Variants in KIAA0232 observed in about 807,000 individuals in gnomAD.
KIAA0232 encodes uncharacterized protein KIAA0232.
In KIAA0232, 27 loss-of-function variants were observed where a neutral mutation model predicts 122.0. The observed-to-expected ratio is 0.22, with a 90% CI of 0.16 to 0.31. KIAA0232 has a LOEUF of 0.31. KIAA0232 is among the 10% of genes least tolerant of loss of function. The pLI, the probability that KIAA0232 is intolerant of heterozygous loss-of-function variation, is 1.00. For synonymous variants in KIAA0232, 613 were observed against 587.6 expected (o/e 1.04, Z -0.63); for missense variants, 1,551 against 1,634.2 (o/e 0.95, Z 0.88).
chr4:6,789,277 T>G (rs1263733195), intron 1 of KIAA0232, among the ~76,000 whole-genome samples: 1 of 140,654 alleles, frequency 7.1e-6, no homozygotes, highest in African/African-American at 2.6e-5. Context: ...GGCCTTTTCT[T>G]TTTTTTTTTT....
intron 2 of KIAA0232, among the ~76,000 whole-genome samples, chr4:6,818,907 C>T (rs765560285): frequency 2.4e-4 from 36 of 152,126 alleles, no homozygotes; most frequent in Non-Finnish European, 4.7e-4. Context: ...GAATAGAGAA[C>T]CCAGAAATAA....
intron 2 of KIAA0232, among the ~76,000 whole-genome samples, chr4:6,808,750 C>T (rs1280822449): frequency 6.6e-6 from 1 of 152,042 alleles, no homozygotes; most frequent in African/African-American, 2.4e-5. Context: ...CTCCCACCTG[C>T]TAGTATTATG....
At chr4:6,852,025 G>C (rs1031592466) in intron 4 of KIAA0232, among the ~76,000 whole-genome samples, 5 of 151,746 alleles carry the variant, frequency 3.3e-5, no homozygotes, top group African/African-American at 1.2e-4. Context: ...TCTATTTTTT[G>C]TTGAAAACTT....
intron 3 of KIAA0232, among the ~76,000 whole-genome samples, chr4:6,836,761 T>G (rs1030891317): frequency 1.3e-5 from 2 of 152,090 alleles, no homozygotes; most frequent in African/African-American, 4.8e-5. Context: ...TTAAGGAGCA[T>G]GCTGCCTTCA....
chr4:6,794,566 G>A (rs534590922), intron 1 of KIAA0232, among the ~76,000 whole-genome samples: 1 of 152,350 alleles, frequency 6.6e-6, no homozygotes, highest in East Asian at 1.9e-4. Context: ...AAGATGGGGT[G>A]TTGCATCGTA....
In KIAA0232 at chr4:6,854,488, G is replaced by C. The variant is rs187979603; in HGVS notation, c.370-2676G>C. On this transcript the variant is annotated intron_variant, in intron 4 of 9. Coordinates refer to ENST00000307659, the MANE Select transcript of KIAA0232 (RefSeq NM_014743.3). ...GTCGTCATAACCATTTGTTCACTGG[G>C]TGCGTGAATGAGCCAGTGCATGGTA... Among the ~76,000 whole-genome samples the C allele has an allele frequency of 1.1e-4, 16 of 152,296 alleles. No homozygotes were observed. The East Asian group carries it at 2.9e-3, about 28-fold the overall frequency.
At chr4:6,856,659 T>C (rs1309124037) in intron 4 of KIAA0232, among the ~76,000 whole-genome samples, 1 of 147,328 alleles carries the variant, frequency 6.8e-6, no homozygotes, top group East Asian at 2.0e-4. Context: ...GTTTTAATCA[T>C]GAGTGTTCAT....
chr4:6,783,523 C>A (rs933487191), intron 1 of KIAA0232, among the ~76,000 whole-genome samples: 1 of 152,154 alleles, frequency 6.6e-6, no homozygotes, highest in African/African-American at 2.4e-5. Flanking sequence ...GGGGTCAGGC[C>A]GGCAGCCTGG....
chr4:6,787,369 G>A (rs530315202), intron 1 of KIAA0232, among the ~76,000 whole-genome samples: 2 of 152,226 alleles, frequency 1.3e-5, no homozygotes, highest in Non-Finnish European at 2.9e-5. Flanking sequence ...CTTCTTGGCC[G>A]TGAACAAGTT....
intron 2 of KIAA0232, among the ~76,000 whole-genome samples, chr4:6,810,467 A>T (rs1437883257): frequency 6.6e-6 from 1 of 152,228 alleles, no homozygotes; most frequent in African/African-American, 2.4e-5. Context: ...ACCTGAAACT[A>T]TAAAAATACT....
intron 1 of KIAA0232, among the ~76,000 whole-genome samples, chr4:6,793,986 A>G (rs1717021034): frequency 6.6e-6 from 1 of 152,188 alleles, no homozygotes; most frequent in Non-Finnish European, 1.5e-5. Context: ...AGATCTATTC[A>G]TTCATAAAGT....
intron 3 of KIAA0232, among the ~76,000 whole-genome samples, chr4:6,832,072 T>A (rs1401032560): frequency 6.6e-6 from 1 of 152,234 alleles, no homozygotes; most frequent in Non-Finnish European, 1.5e-5. Flanking sequence ...CGTTATTGGC[T>A]TTTCTAGTTA....
At chr4:6,817,458 G>T (rs529521753) in intron 2 of KIAA0232, among the ~76,000 whole-genome samples, 7 of 151,986 alleles carry the variant, frequency 4.6e-5, no homozygotes, top group Admixed American at 6.6e-5. Context: ...CTCGTGATCC[G>T]CCTGCCTCGG....
rs201747665 is a variant in KIAA0232 at position 6,864,148 on chromosome 4, G to A, written c.3766G>A (p.Glu1256Lys). The A allele has an allele frequency of 6.2e-7, 1 of 1,613,868 alleles. No homozygotes were observed. The highest frequency in any genetic ancestry group is 1.3e-5 in the African/African-American group (1 of 75,030). ...CKAGCQFPAY[E>K]DNPVSSGQLE... ...AGCAGGTTGTCAGTTTCCTGCTTAT[G>A]AAGATAATCCAGTTTCTTCGGGACA... The change falls in exon 7 of 10, where the codon GAA becomes AAA. Residue 1256 changes from glutamate to lysine, a missense_variant. This residue lies in a region of KIAA0232 where 1,108 missense variants were observed against 1,154.8 expected (regional missense o/e 0.96). Coordinates refer to ENST00000307659, the MANE Select transcript of KIAA0232 (RefSeq NM_014743.3).
intron 3 of KIAA0232, among the ~76,000 whole-genome samples, chr4:6,835,591 A>T (rs1467360142): frequency 3.9e-5 from 6 of 152,096 alleles, no homozygotes. Context: ...TACATTAGGT[A>T]TTTCTCCTAA....
chr4:6,870,582 C>G (rs775757848), intron 7 of KIAA0232, among the ~76,000 whole-genome samples: 1 of 152,082 alleles, frequency 6.6e-6, no homozygotes, highest in Non-Finnish European at 1.5e-5. Flanking sequence ...GCGGGCAGAT[C>G]ACCTGAGGTC....
chr4:6,861,544 A>G lies in KIAA0232; in HGVS notation c.1162A>G (p.Met388Val), dbSNP rs764942275. The change falls in exon 7 of 10, where the codon ATG (methionine) becomes GTG (valine). Residue 388 changes from methionine to valine, a missense_variant. By Grantham distance (21) the Met-to-Val change is conservative. This residue lies in a region of KIAA0232 where 377 missense variants were observed against 381.7 expected (regional missense o/e 0.99). Transcript: ENST00000307659. ...PGSTEGKDLY[M>V]ENRKDTEYKE... is the part of the protein sequence containing the mutation. ...GAGCACTGAAGGAAAAGACCTGTACATGGAGAATAGAAAGGACACAGAGTA... is the reference window on the plus strand; with the variant it reads ...GAGCACTGAAGGAAAAGACCTGTACGTGGAGAATAGAAAGGACACAGAGTA... The G allele has an allele frequency of 1.2e-6, 2 of 1,614,016 alleles. No homozygotes were observed. The highest frequency in any genetic ancestry group is 1.7e-5 in the Admixed American group (1 of 59,996).
chr4:6,820,299 GC>G (rs1176880796), intron 2 of KIAA0232, among the ~76,000 whole-genome samples: 1 of 152,168 alleles, frequency 6.6e-6, no homozygotes, highest in Non-Finnish European at 1.5e-5. Context: ...CTTGGGTAGA[GC>G]AGGTAGAGAA....
chr4:6,818,525 G>A (rs1431125529), intron 2 of KIAA0232, among the ~76,000 whole-genome samples: 4 of 151,290 alleles, frequency 2.6e-5, no homozygotes, highest in Non-Finnish European at 5.9e-5. Context: ...TACATCTCAC[G>A]AAGGAGGTGA....
Sources: gnomAD v4.1 joint callset for allele counts (sites outside exome capture counted in the v4.1 genomes callset) on GRCh38, gnomAD v4.1.1 for gene constraint, gnomAD v4.1.1 regional missense constraint, MANE v1.5 for transcripts, NCBI Gene and HGNC (gene_info 2026-07-23, HGNC 2026-07-21) for gene names.